MIS18A: variants seen among roughly 807,000 people sequenced by gnomAD.
MIS18A encodes the protein MIS18 kinetochore protein A.
MIS18A carries 14 observed loss-of-function variants against 25.0 expected under a neutral mutation model. That is an observed-to-expected ratio of 0.56 (90% CI 0.37 to 0.88). The LOEUF is 0.88. Among genes scored for constraint, MIS18A ranks in the 40% least tolerant of loss-of-function variants. The pLI is 0.00. For synonymous variants in MIS18A, 134 were observed against 118.6 expected, an observed-to-expected ratio of 1.13 and a Z score of -0.84; for missense variants, 292 against 290.8, an observed-to-expected ratio of 1.00 and a Z score of -0.03.
At chr21:32,201,264 G>A in the MIS18A span, among the ~76,000 whole-genome samples, 1 of 151,640 alleles carries the variant, frequency 6.6e-6, no homozygotes, top group African/African-American at 2.4e-5. Context: ...TTCCCACCAG[G>A]CCCCACCTCC....
At chr21:32,191,948 G>A in the MIS18A span, among the ~76,000 whole-genome samples, 1 of 152,118 alleles carries the variant, frequency 6.6e-6, no homozygotes, top group South Asian at 2.1e-4. Context: ...GAAAAAGAAA[G>A]AAAGAAAGAA....
the MIS18A span, among the ~76,000 whole-genome samples, chr21:32,162,034 C>G: frequency 2.6e-5 from 4 of 152,076 alleles, no homozygotes; most frequent in Admixed American, 2.6e-4. Context: ...CTAATTCTCT[C>G]AACACCATTT....
At chr21:32,245,334 G>A in the MIS18A span, among the ~76,000 whole-genome samples, 1 of 152,192 alleles carries the variant, frequency 6.6e-6, no homozygotes, top group Non-Finnish European at 1.5e-5. Context: ...AGATAAAGCA[G>A]AGAGAATGGA....
the MIS18A span, among the ~76,000 whole-genome samples, chr21:32,176,914 G>A: frequency 6.6e-6 from 1 of 152,018 alleles, no homozygotes; most frequent in South Asian, 2.1e-4. Flanking sequence ...AAATAATATG[G>A]GTACCAAAGC....
At chr21:32,265,090 A>G (rs1034067148), downstream of MIS18A, among the ~76,000 whole-genome samples, 4 of 152,116 alleles carry the variant, frequency 2.6e-5, no homozygotes, top group Non-Finnish European at 5.9e-5. Context: ...TTCTGGGGAG[A>G]TCTGTCTGAA....
chr21:32,201,737 T>C, the MIS18A span, among the ~76,000 whole-genome samples: 2 of 151,976 alleles, frequency 1.3e-5, no homozygotes, highest in Non-Finnish European at 2.9e-5. Flanking sequence ...CACTTGAGCC[T>C]AGGAGTTCAA....
chr21:32,188,856 T>C, the MIS18A span, among the ~76,000 whole-genome samples: 2 of 152,178 alleles, frequency 1.3e-5, no homozygotes, highest in South Asian at 2.1e-4. Flanking sequence ...AGTGCCTCTG[T>C]TGACAGATGT....
At chr21:32,255,994 A>G in the MIS18A span, among the ~76,000 whole-genome samples, 2 of 152,114 alleles carry the variant, frequency 1.3e-5, no homozygotes, top group Admixed American at 6.6e-5. Flanking sequence ...CTAACTGGCT[A>G]TGGATGGTAA....
At chr21:32,186,228 C>G in the MIS18A span, among the ~76,000 whole-genome samples, 1 of 152,176 alleles carries the variant, frequency 6.6e-6, no homozygotes, top group Admixed American at 6.5e-5. Context: ...ATCATAACGA[C>G]TTGAGAGATT....
the MIS18A span, among the ~76,000 whole-genome samples, chr21:32,198,510 T>C: frequency 6.6e-6 from 1 of 152,086 alleles, no homozygotes; most frequent in Non-Finnish European, 1.5e-5. Context: ...GAAGGCAGGG[T>C]CCATGCTGCC....
the MIS18A span, among the ~76,000 whole-genome samples, chr21:32,169,268 T>A: frequency 2.1e-5 from 3 of 145,910 alleles, no homozygotes; most frequent in South Asian, 2.3e-4. Flanking sequence ...CTAAAAAAAC[T>A]CATTCCCAGA....
the MIS18A span, among the ~76,000 whole-genome samples, chr21:32,222,116 A>G: frequency 6.6e-6 from 1 of 152,234 alleles, no homozygotes; most frequent in East Asian, 1.9e-4. Context: ...GCAAATGGAA[A>G]GAAAAAAAAA....
At chr21:32,162,908 T>A in the MIS18A span, among the ~76,000 whole-genome samples, 7 of 152,156 alleles carry the variant, frequency 4.6e-5, no homozygotes, top group African/African-American at 1.7e-4. Context: ...TCTTGTTGGA[T>A]CCATGGACGA....
At chr21:32,190,819 AC>A in the MIS18A span, among the ~76,000 whole-genome samples, 1 of 152,192 alleles carries the variant, frequency 6.6e-6, no homozygotes, top group Non-Finnish European at 1.5e-5. Context: ...GTTCAGCCCA[AC>A]CTGGAAAGTC....
At chr21:32,213,294 G>A in the MIS18A span, among the ~76,000 whole-genome samples, 2 of 152,118 alleles carry the variant, frequency 1.3e-5, no homozygotes, top group South Asian at 2.1e-4. Context: ...TTGTATGAAT[G>A]ACAACACATA....
the MIS18A span, among the ~76,000 whole-genome samples, chr21:32,171,683 C>T: frequency 1.3e-5 from 2 of 152,012 alleles, no homozygotes; most frequent in Non-Finnish European, 2.9e-5. Flanking sequence ...ATCTAACCCT[C>T]TAAACACAGA....
At chr21:32,252,549 A>T in the MIS18A span, among the ~76,000 whole-genome samples, 12 of 152,300 alleles carry the variant, frequency 7.9e-5, no homozygotes, top group Admixed American at 3.3e-4. Context: ...TATATTTTTT[A>T]ATGTAGTATT....
chr21:32,170,669 T>C, the MIS18A span, among the ~76,000 whole-genome samples: 1 of 151,904 alleles, frequency 6.6e-6, no homozygotes, highest in Non-Finnish European at 1.5e-5. Flanking sequence ...AACATACACA[T>C]AATGTGAGTC....
the MIS18A span, among the ~76,000 whole-genome samples, chr21:32,158,172 TC>T: frequency 7.2e-5 from 11 of 152,320 alleles, no homozygotes; most frequent in African/African-American, 2.4e-4. Flanking sequence ...TCTTTACTTG[TC>T]TGTTTTCAAA....
Sources: gnomAD v4.1 joint callset for allele counts (sites outside exome capture counted in the v4.1 genomes callset) on GRCh38, gnomAD v4.1.1 for gene constraint, MANE v1.5 for transcripts, NCBI Gene and HGNC (gene_info 2026-07-23, HGNC 2026-07-21) for gene names.